Variants in AHCTF1 observed in about 807,000 individuals in gnomAD.
AHCTF1 encodes the protein AT-hook containing transcription factor 1.
Under a neutral mutation model 248.4 loss-of-function variants are expected in AHCTF1, and 24 were observed. That is an observed-to-expected ratio of 0.10 (90% CI 0.07 to 0.14). The LOEUF is 0.14. AHCTF1 is among the 10% of genes least tolerant of loss of function. The pLI, the probability that AHCTF1 is intolerant of heterozygous loss-of-function variation, is 1.00. For synonymous variants in AHCTF1, 786 were observed against 929.8 expected, an observed-to-expected ratio of 0.85 and a Z score of 2.81; for missense variants, 2,206 against 2,636.2, an observed-to-expected ratio of 0.84 and a Z score of 3.57.
At chr1:246,880,376 A>G (rs956154222) in intron 21 of AHCTF1, among the ~76,000 whole-genome samples, 1 of 151,970 alleles carries the variant, frequency 6.6e-6, no homozygotes, top group Admixed American at 6.6e-5. Context: ...CAGCCTGACC[A>G]ACATGGTAAA....
chr1:246,922,839 C>T (rs11806771), intron 1 of AHCTF1, among the ~76,000 whole-genome samples: 30,606 of 150,458 alleles, frequency 0.2, 3,209 homozygotes, highest in Middle Eastern at 0.25. Context: ...AAAAAATAGC[C>T]GGGCGTGGTG....
chr1:246,923,257 A>G (rs1171941695), intron 1 of AHCTF1, among the ~76,000 whole-genome samples: 2 of 151,852 alleles, frequency 1.3e-5, no homozygotes, highest in African/African-American at 4.8e-5. Flanking sequence ...TTTACTAAAA[A>G]TACAAAAATT....
chr1:246,857,174 GAC>G (rs1661167971), intron 30 of AHCTF1, among the ~76,000 whole-genome samples: 1 of 152,288 alleles, frequency 6.6e-6, no homozygotes, highest in East Asian at 1.9e-4. Flanking sequence ...AACATAAACT[GAC>G]ACTCTCACCA....
chr1:246,916,093 G>C, intron 3 of AHCTF1, 49 bp downstream of exon 3: 1 of 1,576,782 alleles, frequency 6.3e-7, no homozygotes, highest in Non-Finnish European at 8.6e-7. Context: ...TAACCAGCAG[G>C]GGTTCAGTTT....
chr1:246,922,804 A>C (rs1247147339), intron 1 of AHCTF1, among the ~76,000 whole-genome samples: 3 of 151,006 alleles, frequency 2.0e-5, no homozygotes, highest in Non-Finnish European at 4.4e-5. Context: ...AACACGGTGA[A>C]ACCCTGTCTC....
rs113481315 is a variant in AHCTF1 at position 246,906,711 on chromosome 1, T to C, written c.764+840A>G. ...CAGGAAAAATGGAGAAACAAATAAA[T>C]TGACAACTTAAGGGCCAAATAGGCA... On this transcript the variant is annotated intron_variant, in intron 5 of 35. Transcript: ENST00000648844. 7.6e-3 allele frequency among the ~76,000 whole-genome samples: 1,161 copies of C among 152,124 alleles called. 10 individuals carry two copies. The highest frequency in any genetic ancestry group is 0.026 in the African/African-American group (1,098 of 41,484).
At chr1:246,898,148 A>C in intron 12 of AHCTF1, 60 bp downstream of exon 12, 1 of 1,596,984 alleles carries the variant, frequency 6.3e-7, no homozygotes, top group Non-Finnish European at 8.5e-7. Flanking sequence ...TTTTTACTGT[A>C]ATAGAAAGCT....
chr1:246,902,427 T>G, intron 8 of AHCTF1, 98 bp downstream of exon 8: 1 of 1,433,768 alleles, frequency 7.0e-7, no homozygotes, highest in Non-Finnish European at 9.4e-7. Flanking sequence ...ACTATTCCAA[T>G]TTTCTGAACT....
intron 30 of AHCTF1, among the ~76,000 whole-genome samples, chr1:246,857,317 ACTGT>A (rs71792894): frequency 0.026 from 3,984 of 152,274 alleles, 191 homozygotes; most frequent in African/African-American, 0.092. Context: ...AGGAAATAAA[ACTGT>A]CTGTCATCTC....
intron 14 of AHCTF1, 110 bp downstream of exon 14, chr1:246,894,544 AAAAAG>A (rs1270756532): frequency 4.5e-6 from 4 of 888,366 alleles, no homozygotes; most frequent in South Asian, 1.8e-5. Context: ...TCAGTCTCAA[AAAAAG>A]AAAAGAGTTT....
At chr1:246,855,672 A>G in intron 31 of AHCTF1, 58 bp downstream of exon 31, 4 of 1,337,618 alleles carry the variant, frequency 3.0e-6, no homozygotes, top group Non-Finnish European at 4.2e-6. Flanking sequence ...AGAACAGAAA[A>G]CTCTTCACTC....
At chr1:246,868,810 T>TTTATTGTGC (rs1374360541) in intron 24 of AHCTF1, among the ~76,000 whole-genome samples, 1 of 151,220 alleles carries the variant, frequency 6.6e-6, no homozygotes, top group Non-Finnish European at 1.5e-5. Context: ...TCTACCTCAT[T>TTTATTGTGC]TTATTGTGCT....
At chr1:246,883,233 T>C (rs1421076277) in intron 21 of AHCTF1, among the ~76,000 whole-genome samples, 1 of 152,190 alleles carries the variant, frequency 6.6e-6, no homozygotes, top group Non-Finnish European at 1.5e-5. Context: ...AATCAAATCA[T>C]TTGGGTGTTG....
chr1:246,853,144 G>T lies in AHCTF1; in HGVS notation c.4510C>A (p.Pro1504Thr), dbSNP rs961319814. 3.8e-5 allele frequency: 62 copies of T among 1,611,818 alleles called. No homozygotes were observed. The highest frequency in any genetic ancestry group is 4.9e-5 in the Non-Finnish European group (58 of 1,179,214). ...VGVLKESVDL[P>T]EEKLPISDSP... ...TCAGAAATTGGAAGCTTTTCTTCTG[G>T]TAAGTCAACACTTTCTTTTAGTACA... is the stretch of plus-strand genomic sequence containing the variant. The change falls in exon 32 of 36, where the codon CCA (proline) becomes ACA (threonine). Residue 1504 changes from proline to threonine, a missense_variant. Transcript: ENST00000648844.
At chr1:246,887,817 G>T (rs760388922) in intron 19 of AHCTF1, among the ~76,000 whole-genome samples, 3 of 152,100 alleles carry the variant, frequency 2.0e-5, no homozygotes, top group Non-Finnish European at 4.4e-5. Flanking sequence ...GTAGTATCAC[G>T]CTAACTTATA....
At chr1:246,901,209 C>T (rs967364605) in intron 8 of AHCTF1, among the ~76,000 whole-genome samples, 3 of 152,142 alleles carry the variant, frequency 2.0e-5, no homozygotes, top group African/African-American at 2.4e-5. Flanking sequence ...GGCATTGTGG[C>T]ATGCACCTGT....
Position 246,850,598 on chromosome 1 carries a change from G to A in AHCTF1, c.5408C>T (p.Pro1803Leu). 2 of 1,613,174 alleles carry A rather than the reference G, an allele frequency of 1.2e-6. No homozygotes were observed. The highest frequency in any genetic ancestry group is 1.7e-6 in the Non-Finnish European group (2 of 1,179,676). The change falls in exon 33 of 36, where the codon CCT becomes CTT. Residue 1803 changes from proline to leucine, a missense_variant. Around this residue, in one of 6 missense-constraint regions of AHCTF1, gnomAD observed 955 missense variants for 1,055.6 expected, o/e 0.90. Transcript: ENST00000648844. ...TCTCCTAGGCGTAACAGAATTTTGA[G>A]GTATTTGCTGGTTCTGAGATAGTCC... Reference protein sequence around the residue: ...VRGLSQNQQIPQNSVTPRRGR... With the variant: ...VRGLSQNQQILQNSVTPRRGR...
rs745953082 is a variant in AHCTF1, at chr1:246,913,427, A to T, written c.376-15T>A. On this transcript the variant is annotated splice_polypyrimidine_tract_variant and intron_variant, in intron 3 of 35. Coordinates refer to ENST00000648844, the MANE Select transcript of AHCTF1 (RefSeq NM_001323342.2). ...ATAGCTGTTACCTAGAAAACATAAT[A>T]CGTGATTTGCTTTTCTTCTGCAAAG... 6.3e-7 allele frequency: 1 copy of T among 1,590,400 alleles called. No homozygotes were observed. The highest frequency in any genetic ancestry group is 8.6e-7 in the Non-Finnish European group (1 of 1,166,570).
chr1:246,876,296 CT>C (rs1027213879), intron 23 of AHCTF1, 109 bp from the exon 24 acceptor site: 5 of 961,562 alleles, frequency 5.2e-6, no homozygotes, highest in African/African-American at 3.4e-5. Flanking sequence ...AATCTTCCCC[CT>C]ACCTACATAT....
Sources: gnomAD v4.1 joint callset for allele counts (sites outside exome capture counted in the v4.1 genomes callset) on GRCh38, gnomAD v4.1.1 for gene constraint, gnomAD v4.1.1 regional missense constraint, MANE v1.5 for transcripts, NCBI Gene and HGNC (gene_info 2026-07-23, HGNC 2026-07-21) for gene names.